Variants in SUPT3H observed in about 807,000 individuals in gnomAD.
SUPT3H encodes the protein transcription initiation protein SPT3 homolog.
A neutral mutation model predicts 44.3 loss-of-function variants in SUPT3H; 44 were observed. That is an observed-to-expected ratio of 0.99 (90% confidence interval 0.78 to 1.28). SUPT3H has a LOEUF of 1.28. Among genes scored for constraint, SUPT3H ranks in the 50% most tolerant of loss-of-function variants. SUPT3H has a pLI of 0.00. For missense variants in SUPT3H, 380 were observed against 387.1 expected (o/e 0.98, Z 0.15); for synonymous variants, 124 against 125.6 (o/e 0.99, Z 0.09).
chr6:45,013,385 C>G (rs1161487179), intron 5 of SUPT3H, among the ~76,000 whole-genome samples: 2 of 152,016 alleles, frequency 1.3e-5, no homozygotes, highest in Non-Finnish European at 2.9e-5. Context: ...CTGTTCCAAG[C>G]AGTGACGTGG....
At chr6:44,870,413 A>G (rs1197195248) in intron 10 of SUPT3H, among the ~76,000 whole-genome samples, 1 of 152,052 alleles carries the variant, frequency 6.6e-6, no homozygotes, top group East Asian at 1.9e-4. Context: ...CCTGGGCAAC[A>G]CGGTGAAACT....
At chr6:44,917,294 T>A (rs529981986) in intron 10 of SUPT3H, among the ~76,000 whole-genome samples, 11 of 152,324 alleles carry the variant, frequency 7.2e-5, no homozygotes, top group African/African-American at 2.6e-4. Flanking sequence ...TTCATTAAAT[T>A]TTTGGTTCAT....
chr6:45,310,605 A>T (rs79424263), intron 2 of SUPT3H, among the ~76,000 whole-genome samples: 22,828 of 152,108 alleles, frequency 0.15, 1,958 homozygotes, highest in East Asian at 0.26. Flanking sequence ...CATCAGAAGG[A>T]CTGTGCACAG....
intron 2 of SUPT3H, among the ~76,000 whole-genome samples, chr6:45,143,351 T>C (rs1805546583): frequency 6.6e-6 from 1 of 152,114 alleles, no homozygotes; most frequent in African/African-American, 2.4e-5. Context: ...GTATATCAAG[T>C]ATCCTCTCAG....
intron 10 of SUPT3H, among the ~76,000 whole-genome samples, chr6:44,926,389 T>G (rs2153458793): frequency 6.6e-6 from 1 of 152,046 alleles, no homozygotes; most frequent in East Asian, 1.9e-4. Context: ...AGAAAAAAAT[T>G]AAGATAAATG....
chr6:44,988,568 A>G (rs1017186227), intron 6 of SUPT3H, among the ~76,000 whole-genome samples: 23 of 150,258 alleles, frequency 1.5e-4, no homozygotes, highest in African/African-American at 5.6e-4. Flanking sequence ...CAAAAGCAAT[A>G]TTAAGATGAA....
At chr6:45,074,972 G>GT (rs978479519) in intron 3 of SUPT3H, among the ~76,000 whole-genome samples, 1 of 151,966 alleles carries the variant, frequency 6.6e-6, no homozygotes, top group African/African-American at 2.4e-5. Flanking sequence ...TTATTTTTGT[G>GT]TTAAAAATGA....
chr6:44,949,337 T>C (rs1364536038), intron 9 of SUPT3H, among the ~76,000 whole-genome samples: 1 of 151,820 alleles, frequency 6.6e-6, no homozygotes, highest in Non-Finnish European at 1.5e-5. Flanking sequence ...CATGTATACA[T>C]ATGTAACAAA....
chr6:45,094,009 A>C (rs2153564649), intron 3 of SUPT3H, among the ~76,000 whole-genome samples: 1 of 152,294 alleles, frequency 6.6e-6, no homozygotes, highest in South Asian at 2.1e-4. Flanking sequence ...TATTATCAAA[A>C]GCATAATATA....
intron 10 of SUPT3H, among the ~76,000 whole-genome samples, chr6:44,844,953 G>A (rs1771622199): frequency 6.6e-6 from 1 of 152,108 alleles, no homozygotes; most frequent in Non-Finnish European, 1.5e-5. Flanking sequence ...GCTTTTGTTG[G>A]AGATGGTCAG....
At chr6:45,372,717 G>C (rs1251909713) in intron 1 of SUPT3H, among the ~76,000 whole-genome samples, 2 of 152,084 alleles carry the variant, frequency 1.3e-5, no homozygotes, top group African/African-American at 2.4e-5. Flanking sequence ...GGAGTACAGT[G>C]GCACAATCTC....
downstream of SUPT3H, among the ~76,000 whole-genome samples, chr6:44,824,783 G>A (rs564213601): frequency 2.0e-5 from 3 of 152,280 alleles, no homozygotes; most frequent in South Asian, 4.1e-4. Context: ...GAGTGGAATG[G>A]AAAACTATCC....
At chr6:45,127,490 A>T (rs1174509159) in intron 2 of SUPT3H, among the ~76,000 whole-genome samples, 4 of 152,178 alleles carry the variant, frequency 2.6e-5, no homozygotes, top group Non-Finnish European at 5.9e-5. Context: ...AAAATGATGC[A>T]CTAAGAGATT....
At chr6:45,325,573 T>C (rs2150052887) in intron 2 of SUPT3H, among the ~76,000 whole-genome samples, 1 of 152,018 alleles carries the variant, frequency 6.6e-6, no homozygotes, top group South Asian at 2.1e-4. Flanking sequence ...CCTAAACTTG[T>C]TGCTTACTTC....
At chr6:44,996,868 T>C (rs919555091) in intron 6 of SUPT3H, among the ~76,000 whole-genome samples, 5 of 151,874 alleles carry the variant, frequency 3.3e-5, no homozygotes, top group Admixed American at 3.3e-4. Flanking sequence ...ATCATTATGT[T>C]TTCTTTTTCA....
chr6:44,825,527 A>C (rs958357603), downstream of SUPT3H, among the ~76,000 whole-genome samples: 3 of 152,220 alleles, frequency 2.0e-5, no homozygotes, highest in African/African-American at 7.2e-5. Context: ...GTAATTCTGC[A>C]TAAGACATTT....
At chr6:44,887,813 A>T (rs1762566158) in intron 10 of SUPT3H, among the ~76,000 whole-genome samples, 1 of 151,896 alleles carries the variant, frequency 6.6e-6, no homozygotes, top group African/African-American at 2.4e-5. Flanking sequence ...CCCTTCAAAA[A>T]ATTAATGAAT....
At position 44,826,871 on chromosome 6, in the gene SUPT3H, A is replaced by G. The variant is rs764650895; in HGVS notation, c.*2945T>C. ...CCCAGATACAGGAATTATATACACCATTTAAAAAATATTTGTGCTTCTGAT... is the reference window on the plus strand; with the variant it reads ...CCCAGATACAGGAATTATATACACCGTTTAAAAAATATTTGTGCTTCTGAT... On this transcript the variant is annotated 3_prime_UTR_variant, in exon 11 of 11. Transcript: ENST00000371459. 3.3e-5 allele frequency among the ~76,000 whole-genome samples: 5 copies of G among 152,200 alleles called. No homozygotes were observed. The highest frequency in any genetic ancestry group is 4.8e-5 in the African/African-American group (2 of 41,464).
intron 2 of SUPT3H, among the ~76,000 whole-genome samples, chr6:45,297,117 C>T (rs997788049): frequency 4.0e-5 from 6 of 151,468 alleles, no homozygotes; most frequent in African/African-American, 1.2e-4. Context: ...GTGCTTCATC[C>T]CCCATTACAG....
Sources: allele counts gnomAD v4.1 joint callset (sites outside exome capture counted in the v4.1 genomes callset), GRCh38; gene constraint gnomAD v4.1.1; transcripts MANE v1.5; gene names NCBI Gene and HGNC (gene_info 2026-07-23, HGNC 2026-07-21).